DLG2: variants seen among roughly 807,000 people sequenced by gnomAD.
DLG2 encodes the protein disks large homolog 2.
DLG2 carries 45 observed loss-of-function variants against 132.5 expected under a neutral mutation model. The ratio of observed to expected loss-of-function variants is 0.34; its 90% confidence interval spans 0.27 to 0.44. DLG2 has a LOEUF of 0.44. Ranked by LOEUF, DLG2 falls within the 20% of genes least tolerant of loss-of-function variation. The probability of loss-of-function intolerance (pLI) is 1.00; values close to 1 mark genes in which losing one functional copy is unlikely to be tolerated. For missense variants in DLG2, 1,045 were observed against 1,196.9 expected (o/e 0.87, Z 1.87); for synonymous variants, 424 against 419.6 (o/e 1.01, Z -0.13).
chr11:84,920,903 A>G (rs900422227), intron 6 of DLG2, among the ~76,000 whole-genome samples: 3 of 152,170 alleles, frequency 2.0e-5, no homozygotes, highest in Non-Finnish European at 4.4e-5. Context: ...CAGAGAAAAA[A>G]AAGACGAAAA....
chr11:84,409,853 C>G (rs888105015), intron 7 of DLG2, among the ~76,000 whole-genome samples: 1 of 152,156 alleles, frequency 6.6e-6, no homozygotes, highest in Non-Finnish European at 1.5e-5. Context: ...TCCTCCCTCC[C>G]TTCACCGGGA....
At chr11:83,749,076 A>G (rs1007802868) in intron 18 of DLG2, among the ~76,000 whole-genome samples, 2 of 152,168 alleles carry the variant, frequency 1.3e-5, no homozygotes, top group South Asian at 2.1e-4. Flanking sequence ...ATGGCTCCCC[A>G]TATGGCTTTT....
chr11:85,383,363 T>C (rs1167923060), intron 3 of DLG2, among the ~76,000 whole-genome samples: 1 of 152,136 alleles, frequency 6.6e-6, no homozygotes, highest in Non-Finnish European at 1.5e-5. Flanking sequence ...TCGGGGGTGA[T>C]AAAAATGTTC....
intron 9 of DLG2, among the ~76,000 whole-genome samples, chr11:84,145,555 G>A (rs781235326): frequency 1.7e-4 from 26 of 152,162 alleles, no homozygotes; most frequent in Non-Finnish European, 3.8e-4. Flanking sequence ...TGTGGTACAT[G>A]ACTGTCCTAG....
intron 6 of DLG2, among the ~76,000 whole-genome samples, chr11:84,824,067 T>G (rs2078039767): frequency 6.6e-6 from 1 of 151,878 alleles, no homozygotes; most frequent in African/African-American, 2.4e-5. Flanking sequence ...AACAGCATTC[T>G]TTCCTTCTTG....
chr11:83,848,919 C>G (rs1565327387), intron 16 of DLG2, among the ~76,000 whole-genome samples: 1 of 152,204 alleles, frequency 6.6e-6, no homozygotes, highest in Non-Finnish European at 1.5e-5. Flanking sequence ...ATCTCCTGGG[C>G]AGTGTTCCCA....
intron 7 of DLG2, among the ~76,000 whole-genome samples, chr11:84,464,408 G>T (rs1006120474): frequency 6.6e-6 from 1 of 151,136 alleles, no homozygotes; most frequent in Admixed American, 6.6e-5. Context: ...ACTAACCCTA[G>T]CTTTGTAAGA....
intron 3 of DLG2, among the ~76,000 whole-genome samples, chr11:85,580,667 T>C (rs2078453979): frequency 6.6e-6 from 1 of 152,334 alleles, no homozygotes; most frequent in South Asian, 2.1e-4. Context: ...GCTATAAAAC[T>C]TTCCTAAAGT....
At chr11:84,174,353 G>A (rs1039768906) in intron 8 of DLG2, among the ~76,000 whole-genome samples, 3 of 151,776 alleles carry the variant, frequency 2.0e-5, no homozygotes, top group African/African-American at 7.3e-5. Flanking sequence ...GAATTTTACT[G>A]CTCAAGTAGC....
chr11:83,855,954 A>G (rs1268640385), intron 16 of DLG2, among the ~76,000 whole-genome samples: 1 of 152,092 alleles, frequency 6.6e-6, no homozygotes, highest in Non-Finnish European at 1.5e-5. Context: ...CCTAGTATCT[A>G]TTAGTTATTT....
At chr11:84,991,187 C>G (rs922729236) in intron 6 of DLG2, among the ~76,000 whole-genome samples, 4 of 151,842 alleles carry the variant, frequency 2.6e-5, no homozygotes, top group Non-Finnish European at 5.9e-5. Context: ...CGGTGGTTGC[C>G]AGAGATTAAG....
intron 9 of DLG2, among the ~76,000 whole-genome samples, chr11:84,150,618 T>A (rs1016651779): frequency 6.6e-6 from 1 of 152,178 alleles, no homozygotes; most frequent in African/African-American, 2.4e-5. Context: ...TTTCTCTTGC[T>A]TGATTCTTTT....
chr11:83,833,529 C>A lies in DLG2; in HGVS notation c.1722+85G>T, dbSNP rs1426045987. ...TCCACTTTCCTTTGTAATTAAGGTG[C>A]TTTTGGTATCATAATTGAAAGTTAT... is the stretch of plus-strand genomic sequence containing the variant. On this transcript the variant is annotated intron_variant, in intron 17 of 27. Transcript: ENST00000376104. The A allele has an allele frequency of 8.6e-6, 12 of 1,392,624 alleles. No individual in the cohort carries two copies. In the Admixed American group the frequency reaches 1.1e-4, roughly 12 times the overall value. 86.3% of individuals were successfully genotyped at this position (1,392,624 alleles called of 1,614,324 possible). A position where few individuals can be genotyped will look rare whatever the true frequency, so the allele number is the denominator to read the frequency against.
chr11:85,438,275 T>C (rs1022879536), intron 3 of DLG2, among the ~76,000 whole-genome samples: 3 of 152,222 alleles, frequency 2.0e-5, no homozygotes, highest in South Asian at 4.2e-4. Flanking sequence ...ACCTGCAACA[T>C]TGGGAATCAA....
chr11:85,501,004 C>T (rs1195031196), intron 3 of DLG2, among the ~76,000 whole-genome samples: 1 of 152,192 alleles, frequency 6.6e-6, no homozygotes, highest in East Asian at 1.9e-4. Flanking sequence ...CATCACACTA[C>T]CTGACTTCAA....
At chr11:84,437,535 G>A (rs1427200050) in intron 7 of DLG2, 1 of 151,568 alleles carries the variant, frequency 6.6e-6, no homozygotes, top group Non-Finnish European at 1.5e-5. Context: ...GCTCAGAGAC[G>A]AACAGAATCA....
chr11:83,770,265 G>GTTTTTTTTTTTTTT (rs71066064), intron 18 of DLG2, among the ~76,000 whole-genome samples: 18 of 128,758 alleles, frequency 1.4e-4, no homozygotes, highest in African/African-American at 3.9e-4. Context: ...GTTTTTTTTT[G>GTTTTTTTTTTTTTT]TTTTTTTGCT....
At chr11:85,519,104 G>A (rs754011616) in intron 3 of DLG2, among the ~76,000 whole-genome samples, 5 of 152,198 alleles carry the variant, frequency 3.3e-5, no homozygotes, top group Admixed American at 6.5e-5. Context: ...GGGCAGTGCA[G>A]AAGGGAAATG....
At chr11:84,135,885 AT>A (rs1399785763) in intron 9 of DLG2, among the ~76,000 whole-genome samples, 1 of 152,118 alleles carries the variant, frequency 6.6e-6, no homozygotes, top group African/African-American at 2.4e-5. Flanking sequence ...AGCCTGGGAC[AT>A]AAAGACTAGT....
Sources: gnomAD v4.1 joint callset for allele counts (sites outside exome capture counted in the v4.1 genomes callset) on GRCh38, gnomAD v4.1.1 for gene constraint, MANE v1.5 for transcripts, NCBI Gene and HGNC (gene_info 2026-07-23, HGNC 2026-07-21) for gene names.